The following CAMK2D variants were observed in gnomAD, a reference collection of about 807,000 sequenced individuals.
CAMK2D encodes calcium/calmodulin-dependent protein kinase type II subunit delta.
CAMK2D carries 37 observed loss-of-function variants against 84.0 expected under a neutral mutation model. The ratio of observed to expected loss-of-function variants is 0.44; its 90% confidence interval spans 0.34 to 0.58. The LOEUF is 0.58. CAMK2D is among the 20% of genes least tolerant of loss of function. CAMK2D has a pLI of 0.02. For synonymous variants in CAMK2D, 202 were observed against 212.5 expected (o/e 0.95, Z 0.43); for missense variants, 448 against 652.5 (o/e 0.69, Z 3.41).
At chr4:113,506,919 ACATTCACACACAGATACACAG>A (rs2098135658) in intron 13 of CAMK2D, among the ~76,000 whole-genome samples, 1 of 150,342 alleles carries the variant, frequency 6.7e-6, no homozygotes, top group African/African-American at 2.5e-5. Flanking sequence ...ACACCTACAC[ACATTCACACACAGATACACAG>A]CATACACACA....
chr4:113,465,486 A>T (rs777975220), intron 17 of CAMK2D, 43 bp downstream of exon 17: 45 of 1,097,752 alleles, frequency 4.1e-5, no homozygotes, highest in Non-Finnish European at 5.9e-5. Context: ...TAAAAAATAT[A>T]TTTACCATAT....
At chr4:113,684,301 C>T (rs2099353555) in intron 2 of CAMK2D, among the ~76,000 whole-genome samples, 1 of 152,082 alleles carries the variant, frequency 6.6e-6, no homozygotes, top group African/African-American at 2.4e-5. Flanking sequence ...TATAAATTAA[C>T]ACGTCATACA....
chr4:113,452,112 G>A lies in CAMK2D; in HGVS notation c.*2433C>T, dbSNP rs2097261468. 7.1e-6 allele frequency: 1 copy of A among 141,336 alleles called. No individual in the cohort carries two copies. Among genetic ancestry groups the A allele is most frequent in the Non-Finnish European group, 1.5e-5 (1 of 66,152 alleles). The allele number at this position is 141,336 out of a possible 1,614,324, so 8.8% of individuals were successfully genotyped here. The stretch of plus-strand genomic sequence containing the variant: ...ATCCCAGAAATGATAACATCAAAGT[G>A]TTACAAGGACAGGTTCGTATTAAAA... On this transcript the variant is annotated 3_prime_UTR_variant, in exon 21 of 21. Coordinates refer to ENST00000511664, the MANE Select transcript of CAMK2D (RefSeq NM_001321571.2).
At chr4:113,462,446 G>A (rs1227603088) in intron 17 of CAMK2D, among the ~76,000 whole-genome samples, 1 of 152,032 alleles carries the variant, frequency 6.6e-6, no homozygotes, top group African/African-American at 2.4e-5. Context: ...GTGGGTGTGT[G>A]TGATCTGAAC....
chr4:113,491,829 G>C (rs996111920), intron 16 of CAMK2D, among the ~76,000 whole-genome samples: 2 of 151,922 alleles, frequency 1.3e-5, no homozygotes, highest in Admixed American at 6.6e-5. Flanking sequence ...GCCTGTTATT[G>C]GTCTATTCAG....
rs144182912 is a variant in CAMK2D at position 113,708,169 on chromosome 4, A to T, written c.161-46397T>A. Among the ~76,000 whole-genome samples, 6 of 152,242 alleles carry T rather than the reference A, an allele frequency of 3.9e-5. No individual in the cohort carries two copies. In the East Asian group the frequency reaches 1.2e-3, roughly 29 times the overall value. On this transcript the variant is annotated intron_variant, in intron 2 of 20. Transcript: ENST00000511664. ...GTTCACAGGTCTGAGCTTTTTTTTG[A>T]ATAGCACCATATTTCTATATTATAG...
intron 2 of CAMK2D, among the ~76,000 whole-genome samples, chr4:113,694,826 G>A (rs2099398144): frequency 6.6e-6 from 1 of 152,290 alleles, no homozygotes; most frequent in South Asian, 2.1e-4. Flanking sequence ...TACTACGTGA[G>A]ACCAGGCTTT....
intron 4 of CAMK2D, among the ~76,000 whole-genome samples, chr4:113,553,567 C>T (rs1295002414): frequency 6.6e-6 from 1 of 152,154 alleles, no homozygotes; most frequent in Admixed American, 6.6e-5. Flanking sequence ...AGATGGGATG[C>T]TAAAAATTAT....
intron 4 of CAMK2D, among the ~76,000 whole-genome samples, chr4:113,578,526 A>C (rs1461533086): frequency 6.6e-6 from 1 of 152,154 alleles, no homozygotes; most frequent in Non-Finnish European, 1.5e-5. Flanking sequence ...TATTGGGTTC[A>C]TATCAGTTCA....
At chr4:113,473,628 AGGATT>A (rs2097571867) in intron 16 of CAMK2D, among the ~76,000 whole-genome samples, 1 of 152,334 alleles carries the variant, frequency 6.6e-6, no homozygotes, top group East Asian at 1.9e-4. Flanking sequence ...AGAGGCTTTC[AGGATT>A]AAAAAAAATA....
intron 3 of CAMK2D, among the ~76,000 whole-genome samples, chr4:113,624,194 G>A (rs974433017): frequency 2.6e-5 from 4 of 152,040 alleles, no homozygotes; most frequent in East Asian, 1.9e-4. Context: ...AAGTTTAACC[G>A]CCTTGGAAGT....
intron 18 of CAMK2D, among the ~76,000 whole-genome samples, chr4:113,459,459 T>G (rs1267951045): frequency 6.6e-6 from 1 of 152,096 alleles, no homozygotes; most frequent in African/African-American, 2.4e-5. Flanking sequence ...CCTTAAACTA[T>G]CGCTATCCTG....
chr4:113,513,256 C>A (rs2098241292), intron 12 of CAMK2D, 72 bp downstream of exon 12: 1 of 1,578,630 alleles, frequency 6.3e-7, no homozygotes. Context: ...TTTAAAATTC[C>A]AGAGACAAAA....
chr4:113,721,389 A>C (rs770544872), intron 2 of CAMK2D, among the ~76,000 whole-genome samples: 3 of 152,114 alleles, frequency 2.0e-5, no homozygotes, highest in Admixed American at 2.0e-4. Flanking sequence ...CCCTATTCCT[A>C]CCCTAAAAGG....
chr4:113,528,852 T>TA (rs563491734), intron 8 of CAMK2D, among the ~76,000 whole-genome samples: 18 of 152,306 alleles, frequency 1.2e-4, no homozygotes, highest in South Asian at 4.1e-4. Flanking sequence ...ATATCTGAGA[T>TA]ATCTTCCATT....
At chr4:113,544,735 CTGTT>C (rs2098554799) in intron 6 of CAMK2D, among the ~76,000 whole-genome samples, 1 of 152,154 alleles carries the variant, frequency 6.6e-6, no homozygotes, top group African/African-American at 2.4e-5. Context: ...CTGTACTGTA[CTGTT>C]TATCACCACC....
intron 3 of CAMK2D, among the ~76,000 whole-genome samples, chr4:113,641,458 T>C (rs2099131954): frequency 6.6e-6 from 1 of 152,218 alleles, no homozygotes; most frequent in African/African-American, 2.4e-5. Flanking sequence ...ATAATTATGT[T>C]AAGTGTTTAG....
rs75484864 is a variant in CAMK2D at position 113,680,337 on chromosome 4, G to A, written c.161-18565C>T. On this transcript the variant is annotated intron_variant, in intron 2 of 20. Coordinates refer to ENST00000511664, the MANE Select transcript of CAMK2D (RefSeq NM_001321571.2). Reference sequence around the variant, plus strand: ...ACCAGTGGAGCACTCTAGAACAAACGCTGTCCATCAGAGTTGTCTAGTGCT... The same window carrying A: ...ACCAGTGGAGCACTCTAGAACAAACACTGTCCATCAGAGTTGTCTAGTGCT... Among the ~76,000 whole-genome samples, 207 of 152,268 alleles carry A rather than the reference G, an allele frequency of 1.4e-3. 2 individuals carry two copies. In the East Asian group the frequency reaches 0.036, roughly 27 times the overall value.
At chr4:113,620,034 A>G (rs925499764) in intron 3 of CAMK2D, among the ~76,000 whole-genome samples, 1 of 152,212 alleles carries the variant, frequency 6.6e-6, no homozygotes, top group African/African-American at 2.4e-5. Flanking sequence ...GATGGGAATC[A>G]CCAAGAGAAT....
Sources: gnomAD v4.1 joint callset for allele counts (sites outside exome capture counted in the v4.1 genomes callset) on GRCh38, gnomAD v4.1.1 for gene constraint, MANE v1.5 for transcripts, NCBI Gene and HGNC (gene_info 2026-07-23, HGNC 2026-07-21) for gene names.